The following NRXN3 variants were observed in gnomAD, a reference collection of about 807,000 sequenced individuals.
NRXN3 encodes neurexin 3.
In NRXN3, 32 loss-of-function variants were observed where a neutral mutation model predicts 137.6. That is an observed-to-expected ratio of 0.23 (90% CI 0.18 to 0.31). The LOEUF (loss-of-function observed/expected upper bound fraction) is 0.31, where lower values mean the gene tolerates loss of function less well. NRXN3 is among the 10% of genes least tolerant of loss of function. NRXN3 has a pLI of 1.00. For missense variants in NRXN3, 1,574 were observed against 2,062.5 expected, an observed-to-expected ratio of 0.76 and a Z score of 4.59; for synonymous variants, 798 against 784.5, an observed-to-expected ratio of 1.02 and a Z score of -0.29.
intron 9 of NRXN3, among the ~76,000 whole-genome samples, chr14:78,809,353 A>G (rs2098896606): frequency 6.6e-6 from 1 of 152,088 alleles, no homozygotes. Flanking sequence ...AAGATGTCAA[A>G]GGTGCCGAGA....
intron 2 of NRXN3, among the ~76,000 whole-genome samples, chr14:78,254,576 G>A (rs997485698): frequency 6.6e-6 from 1 of 152,092 alleles, no homozygotes; most frequent in South Asian, 2.1e-4. Context: ...CTACTTGGGA[G>A]GCTGAGGCAG....
At chr14:79,817,343 G>A (rs551897204) in intron 20 of NRXN3, among the ~76,000 whole-genome samples, 15 of 152,222 alleles carry the variant, frequency 9.9e-5, no homozygotes, top group African/African-American at 2.4e-4. Context: ...ATGAGCCACC[G>A]TTCCGGGCCT....
chr14:78,474,118 T>G (rs1434298687), intron 4 of NRXN3, among the ~76,000 whole-genome samples: 1 of 152,188 alleles, frequency 6.6e-6, no homozygotes, highest in Non-Finnish European at 1.5e-5. Flanking sequence ...TATGTCCATC[T>G]GTAATATTAG....
chr14:78,412,925 C>T (rs2153666482), intron 4 of NRXN3, among the ~76,000 whole-genome samples: 1 of 152,264 alleles, frequency 6.6e-6, no homozygotes, highest in African/African-American at 2.4e-5. Context: ...CTCTCATTTG[C>T]TTTGCTTTGC....
At chr14:78,413,124 C>A (rs2092928511) in intron 4 of NRXN3, among the ~76,000 whole-genome samples, 1 of 152,074 alleles carries the variant, frequency 6.6e-6, no homozygotes, top group African/African-American at 2.4e-5. Flanking sequence ...TGAGGGAGTT[C>A]TTTTGGGGAA....
At chr14:79,091,629 T>C (rs781283596) in intron 15 of NRXN3, among the ~76,000 whole-genome samples, 11 of 152,274 alleles carry the variant, frequency 7.2e-5, no homozygotes, top group Non-Finnish European at 1.3e-4. Flanking sequence ...GAGGGTATTA[T>C]TGTAAAGGTG....
intron 15 of NRXN3, among the ~76,000 whole-genome samples, chr14:79,375,485 A>C (rs1477020339): frequency 6.6e-6 from 1 of 151,936 alleles, no homozygotes; most frequent in African/African-American, 2.4e-5. Context: ...GAGACCTGAG[A>C]GTTAAAAAGC....
At chr14:78,584,249 G>C (rs1356400888) in intron 4 of NRXN3, among the ~76,000 whole-genome samples, 2 of 152,184 alleles carry the variant, frequency 1.3e-5, no homozygotes, top group Non-Finnish European at 2.9e-5. Context: ...TGAACAAGCA[G>C]AAATTCATAT....
At chr14:79,502,145 G>C (rs1468604534) in intron 16 of NRXN3, among the ~76,000 whole-genome samples, 2 of 152,174 alleles carry the variant, frequency 1.3e-5, no homozygotes, top group African/African-American at 4.8e-5. Flanking sequence ...TCATCACAAA[G>C]AATTGGCACT....
At chr14:78,867,465 C>T (rs1299757237) in intron 10 of NRXN3, among the ~76,000 whole-genome samples, 2 of 152,066 alleles carry the variant, frequency 1.3e-5, no homozygotes, top group Admixed American at 1.3e-4. Flanking sequence ...TTTTAATTTT[C>T]AGTGCTAGGT....
chr14:79,209,773 A>G lies in NRXN3; in HGVS notation c.3262+221632A>G, dbSNP rs542963163. Among the ~76,000 whole-genome samples the G allele has an allele frequency of 9.8e-5, 15 of 152,338 alleles. No individual in the cohort carries two copies. The South Asian group carries it at 2.9e-3, about 29-fold the overall frequency. On this transcript the variant is annotated intron_variant, in intron 15 of 20. Transcript: ENST00000335750. The stretch of plus-strand genomic sequence containing the variant: ...ACATGAAAGATGTCTATATATGATG[A>G]ATCAGTGAATGAGTGATGAATGAAT...
At chr14:78,292,453 AAG>A (rs1377485005) in intron 3 of NRXN3, among the ~76,000 whole-genome samples, 1 of 152,064 alleles carries the variant, frequency 6.6e-6, no homozygotes, top group Non-Finnish European at 1.5e-5. Context: ...AGGCAGGTAC[AAG>A]AAGGGTGGAA....
chr14:79,005,743 G>T (rs1180765739), intron 15 of NRXN3, among the ~76,000 whole-genome samples: 2 of 151,778 alleles, frequency 1.3e-5, no homozygotes, highest in African/African-American at 4.8e-5. Flanking sequence ...TATTTGTGTG[G>T]TGTTTACATG....
At chr14:79,692,680 AAAACAAAAAAC>A (rs1266094568) in intron 18 of NRXN3, among the ~76,000 whole-genome samples, 1 of 152,056 alleles carries the variant, frequency 6.6e-6, no homozygotes, top group Non-Finnish European at 1.5e-5. Context: ...CATGCTTAAC[AAAACAAAAAAC>A]AAACAAAAAA....
intron 20 of NRXN3, among the ~76,000 whole-genome samples, chr14:79,811,721 A>G (rs1328544815): frequency 6.6e-6 from 1 of 151,268 alleles, no homozygotes; most frequent in African/African-American, 2.4e-5. Flanking sequence ...AGCTGGGACT[A>G]CAGACGCCCG....
chr14:78,945,598 T>C (rs2099363572), intron 10 of NRXN3, among the ~76,000 whole-genome samples: 1 of 152,186 alleles, frequency 6.6e-6, no homozygotes, highest in Non-Finnish European at 1.5e-5. Context: ...AATTAGGTTA[T>C]GCAACATTGG....
intron 15 of NRXN3, among the ~76,000 whole-genome samples, chr14:79,317,400 C>T (rs1369327178): frequency 2.6e-5 from 4 of 152,170 alleles, no homozygotes. Context: ...ATGGCATTCT[C>T]ACCTTTAGTG....
intron 16 of NRXN3, among the ~76,000 whole-genome samples, chr14:79,638,012 G>A (rs2098414610): frequency 6.6e-6 from 1 of 152,010 alleles, no homozygotes; most frequent in Non-Finnish European, 1.5e-5. Flanking sequence ...TTACAGGCAT[G>A]AGCCACCGTG....
At chr14:78,967,856 A>G (rs2099423961) in intron 13 of NRXN3, among the ~76,000 whole-genome samples, 1 of 152,152 alleles carries the variant, frequency 6.6e-6, no homozygotes, top group Non-Finnish European at 1.5e-5. Context: ...TATATCCCTC[A>G]GCATATTATT....
Sources: gnomAD v4.1 joint callset for allele counts (sites outside exome capture counted in the v4.1 genomes callset) on GRCh38, gnomAD v4.1.1 for gene constraint, MANE v1.5 for transcripts, NCBI Gene and HGNC (gene_info 2026-07-23, HGNC 2026-07-21) for gene names.